Variants in STARD3 observed in about 807,000 individuals in gnomAD.
The protein encoded by STARD3 is stAR-related lipid transfer protein 3.
Under a neutral mutation model 62.0 loss-of-function variants are expected in STARD3, and 39 were observed. The observed-to-expected ratio is 0.63, with a 90% CI of 0.49 to 0.82. STARD3 has a LOEUF of 0.82. Among genes scored for constraint, STARD3 ranks in the 40% least tolerant of loss-of-function variants. STARD3 has a pLI of 0.00. For missense variants in STARD3, 543 were observed against 584.5 expected (o/e 0.93, Z 0.73); for synonymous variants, 229 against 242.4 (o/e 0.94, Z 0.51).
At chr17:39,658,272 G>A (rs1008902935) in intron 5 of STARD3, 133 bp from the exon 6 acceptor site, 9 of 892,994 alleles carry the variant, frequency 1.0e-5, no homozygotes, top group Non-Finnish European at 1.2e-5. Flanking sequence ...CTGCAGACTT[G>A]AGAGGGTTCC....
At chr17:39,648,043 T>C (rs901258085) in intron 1 of STARD3, among the ~76,000 whole-genome samples, 3 of 152,060 alleles carry the variant, frequency 2.0e-5, no homozygotes, top group African/African-American at 7.2e-5. Flanking sequence ...CCCAGCACTT[T>C]GGGAGGCTGA....
At chr17:39,650,332 C>CGCACA (rs2057065721) in intron 1 of STARD3, among the ~76,000 whole-genome samples, 1 of 152,136 alleles carries the variant, frequency 6.6e-6, no homozygotes, top group South Asian at 2.1e-4. Flanking sequence ...CCAGATTGCT[C>CGCACA]GCACACCGTC....
Position 39,660,801 on chromosome 17 carries a change from G to A in STARD3, c.955-9G>A, listed in dbSNP as rs1388474880. On this transcript the variant is annotated splice_polypyrimidine_tract_variant and intron_variant, in intron 11 of 14. Coordinates refer to ENST00000336308, the MANE Select transcript of STARD3 (RefSeq NM_006804.4). This position sits in a 1 kb window ranked among gnomAD's most constrained non-coding sequence, Gnocchi z 4.8. ...ACCTGTTCCAAAAGTCTCCGTTGAC[G>A]GCCCTCAGATCCTGCAGCGAGTGGA... The A allele has an allele frequency of 6.4e-6, 10 of 1,569,720 alleles. No homozygotes were observed. Among genetic ancestry groups the A allele is most frequent in the South Asian group, 2.4e-5 (2 of 83,478 alleles).
chr17:39,645,881 C>CTTT lies in STARD3; in HGVS notation c.-51-7574_-51-7572dup, dbSNP rs71147368. On this transcript the variant is annotated intron_variant, in intron 1 of 14. Transcript: ENST00000336308. ...ATCCCTGTGACATAGGGATTCTTGC[C>CTTT]TTTTTTTTTTTTTTTTTTTTTTTTT... 5.9e-4 allele frequency among the ~76,000 whole-genome samples: 33 copies of CTTT among 55,668 alleles called. 5 individuals carry two copies. Among genetic ancestry groups the CTTT allele is most frequent in the South Asian group, 3.1e-3 (4 of 1,290 alleles). 36.5% of individuals were successfully genotyped at this position (55,668 alleles called of 152,430 possible). A position where few individuals can be genotyped will look rare whatever the true frequency, so the allele number is the denominator to read the frequency against.
intron 5 of STARD3, 183 bp downstream of exon 5, chr17:39,658,209 G>T: frequency 1.2e-6 from 1 of 845,614 alleles, no homozygotes; most frequent in Non-Finnish European, 1.9e-6. Context: ...TTAGCCCCTT[G>T]CAGCTCTAGG....
Position 39,659,104 on chromosome 17 carries a change from C to A in STARD3, c.700C>A (p.Gln234Lys), listed in dbSNP as rs1280062163. The A allele has an allele frequency of 6.2e-7, 1 of 1,614,068 alleles. No homozygotes were observed. The highest frequency in any genetic ancestry group is 8.5e-7 in the Non-Finnish European group (1 of 1,180,042). Residue 234 changes from glutamine to lysine, a missense_variant and splice_region_variant, in exon 8 of 15, where the codon CAG becomes AAG. Gln to Lys is a moderately conservative substitution (Grantham distance 53, BLOSUM62 1). Coordinates refer to ENST00000336308, the MANE Select transcript of STARD3 (RefSeq NM_006804.4). The part of the protein sequence containing the change: ...EVAGKKSFSA[Q>K]EREYIRQGKE... ...TGCTGGGAAGAAAAGTTTCTCTGCT[C>A]AGGTATTTGCCTGCCTACCCCTAAC... is the stretch of plus-strand genomic sequence containing the variant.
chr17:39,649,684 T>C (rs2057058295), intron 1 of STARD3, among the ~76,000 whole-genome samples: 1 of 151,090 alleles, frequency 6.6e-6, no homozygotes, highest in Non-Finnish European at 1.5e-5. Context: ...CTGGCCAATA[T>C]GGTGAAACCT....
intron 6 of STARD3, 54 bp from the exon 7 acceptor site, chr17:39,658,668 C>T: frequency 6.2e-7 from 1 of 1,608,080 alleles, no homozygotes; most frequent in South Asian, 1.1e-5. Flanking sequence ...TGGGGGTACC[C>T]CAGGCTGCTA....
chr17:39,652,069 C>T (rs1472740055), intron 1 of STARD3, among the ~76,000 whole-genome samples: 1 of 152,148 alleles, frequency 6.6e-6, no homozygotes, highest in Non-Finnish European at 1.5e-5. Context: ...CCATTCACCT[C>T]TCTGGGCCTT....
intron 5 of STARD3, 27 bp downstream of exon 5, chr17:39,658,053 T>G (rs1232499653): frequency 3.9e-6 from 6 of 1,552,608 alleles, no homozygotes; most frequent in Non-Finnish European, 5.2e-6. Flanking sequence ...CTGGCCAGTC[T>G]GGTGGGCATC....
At chr17:39,643,050 G>A (rs529984811) in intron 1 of STARD3, among the ~76,000 whole-genome samples, 1 of 152,256 alleles carries the variant, frequency 6.6e-6, no homozygotes, top group East Asian at 1.9e-4. Flanking sequence ...GCTTTTAACA[G>A]GATCCCTGTG....
intron 1 of STARD3, among the ~76,000 whole-genome samples, chr17:39,647,315 C>T (rs923103490): frequency 6.6e-6 from 1 of 152,192 alleles, no homozygotes; most frequent in Non-Finnish European, 1.5e-5. Context: ...CCATCCCAGG[C>T]AGACTCTTTC....
At chr17:39,637,851 C>G (rs893482099) in intron 1 of STARD3, among the ~76,000 whole-genome samples, 16 of 152,160 alleles carry the variant, frequency 1.1e-4, no homozygotes, top group Admixed American at 1.0e-3. Flanking sequence ...CTCTGTCGCC[C>G]AACCCCTCGC....
chr17:39,657,867 T>G lies in STARD3; in HGVS notation c.375+15T>G, dbSNP rs1294529452. On this transcript the variant is annotated intron_variant, in intron 4 of 14. Coordinates refer to ENST00000336308, the MANE Select transcript of STARD3 (RefSeq NM_006804.4). ...GGGTGATTGCGGTAAGATGCCACTT[T>G]CCTGGCAGCTTCTGGGCCCTGGCAG... is the stretch of plus-strand genomic sequence containing the variant. 2 of 1,614,074 alleles carry G rather than the reference T, an allele frequency of 1.2e-6. No individual in the cohort carries two copies. The highest frequency in any genetic ancestry group is 1.3e-5 in the African/African-American group (1 of 74,942).
rs1402844509 is a variant in STARD3 at position 39,657,853 on chromosome 17, G to A, written c.375+1G>A. 6.2e-7 allele frequency: 1 copy of A among 1,614,096 alleles called. No homozygotes were observed. Among genetic ancestry groups the A allele is most frequent in the African/African-American group, 1.3e-5 (1 of 74,934 alleles). ...GCTCCGGCACTGGTGGGTGATTGCG[G>A]TAAGATGCCACTTTCCTGGCAGCTT... On this transcript the variant is annotated splice_donor_variant, in intron 4 of 14. Coordinates refer to ENST00000336308, the MANE Select transcript of STARD3 (RefSeq NM_006804.4). LOFTEE classifies it high-confidence loss of function.
At chr17:39,647,060 G>A (rs1365330308) in intron 1 of STARD3, among the ~76,000 whole-genome samples, 10 of 152,098 alleles carry the variant, frequency 6.6e-5, no homozygotes, top group African/African-American at 1.7e-4. Flanking sequence ...ATAGGCAGGC[G>A]TGGTGGCGGG....
At chr17:39,648,821 C>A (rs955629392) in intron 1 of STARD3, among the ~76,000 whole-genome samples, 1 of 152,204 alleles carries the variant, frequency 6.6e-6, no homozygotes, top group African/African-American at 2.4e-5. Flanking sequence ...TCTCTCGCTT[C>A]GACAGGGACG....
In STARD3 at chr17:39,658,529, G is replaced by C; in HGVS notation, c.547+7G>C. On this transcript the variant is annotated splice_region_variant and intron_variant, in intron 6 of 14. Coordinates refer to ENST00000336308, the MANE Select transcript of STARD3 (RefSeq NM_006804.4). ...GAAGCTGAAGAGGAGCGATGTGAGT[G>C]CTTGCGGGTAGGGGGGTGCAGCGAG... The C allele has an allele frequency of 6.2e-7, 1 of 1,612,898 alleles. No homozygotes were observed. The highest frequency in any genetic ancestry group is 8.5e-7 in the Non-Finnish European group (1 of 1,179,194).
chr17:39,659,385 A>T, intron 8 of STARD3, 76 bp from the exon 9 acceptor site: 2 of 1,419,096 alleles, frequency 1.4e-6, no homozygotes, highest in Non-Finnish European at 9.9e-7. Flanking sequence ...TGGTATGTCT[A>T]GAGAGAGAAC....
Sources: gnomAD v4.1 joint callset for allele counts (sites outside exome capture counted in the v4.1 genomes callset) on GRCh38, gnomAD v4.1.1 for gene constraint, Gnocchi (gnomAD v3.1) non-coding constraint, MANE v1.5 for transcripts, NCBI Gene and HGNC (gene_info 2026-07-23, HGNC 2026-07-21) for gene names.